Variants in SNTG1 observed in about 807,000 individuals in gnomAD.
SNTG1 encodes syntrophin gamma 1.
SNTG1 carries 39 observed loss-of-function variants against 74.7 expected under a neutral mutation model. The observed-to-expected ratio is 0.52, with a 90% CI of 0.40 to 0.68. The LOEUF (loss-of-function observed/expected upper bound fraction) is 0.68, where lower values mean the gene tolerates loss of function less well. Among genes scored for constraint, SNTG1 ranks in the 30% least tolerant of loss-of-function variants. SNTG1 has a pLI of 0.00. For synonymous variants in SNTG1, 254 were observed against 217.1 expected (o/e 1.17, Z -1.49); for missense variants, 685 against 609.5 (o/e 1.12, Z -1.30).
At chr8:50,225,174 A>G (rs1286552037) in intron 2 of SNTG1, among the ~76,000 whole-genome samples, 1 of 151,904 alleles carries the variant, frequency 6.6e-6, no homozygotes, top group Non-Finnish European at 1.5e-5. Flanking sequence ...GGGTTTCACC[A>G]TGTTAGACAG....
At chr8:50,519,669 C>T (rs925322863) in intron 9 of SNTG1, among the ~76,000 whole-genome samples, 1 of 152,112 alleles carries the variant, frequency 6.6e-6, no homozygotes, top group African/African-American at 2.4e-5. Context: ...AATAGACAAA[C>T]AGAGAGCCAA....
chr8:50,137,326 C>T (rs908483571), intron 1 of SNTG1, among the ~76,000 whole-genome samples: 2 of 152,106 alleles, frequency 1.3e-5, no homozygotes, highest in African/African-American at 4.8e-5. Flanking sequence ...GCTGATGGGA[C>T]GCTCTGAGTC....
chr8:50,015,537 C>G (rs1816230179), intron 1 of SNTG1, among the ~76,000 whole-genome samples: 1 of 152,024 alleles, frequency 6.6e-6, no homozygotes, highest in Non-Finnish European at 1.5e-5. Flanking sequence ...TGTACACATT[C>G]AAGATACTCA....
intron 13 of SNTG1, among the ~76,000 whole-genome samples, chr8:50,642,248 C>T (rs564677672): frequency 1.3e-5 from 2 of 152,160 alleles, no homozygotes; most frequent in South Asian, 4.1e-4. Context: ...AAAGCCTTCC[C>T]TGCTGCCAAT....
intron 8 of SNTG1, among the ~76,000 whole-genome samples, chr8:50,459,189 AGAGTTT>A (rs2093536815): frequency 1.3e-5 from 2 of 152,156 alleles, no homozygotes; most frequent in South Asian, 4.1e-4. Context: ...CCTAAATGTT[AGAGTTT>A]ATTTCCAAAT....
intron 8 of SNTG1, among the ~76,000 whole-genome samples, chr8:50,481,800 T>C (rs1040074024): frequency 2.0e-5 from 3 of 152,226 alleles, no homozygotes; most frequent in Non-Finnish European, 4.4e-5. Flanking sequence ...TACGTCTCTT[T>C]CACTAATCAA....
At chr8:50,222,588 C>G (rs1228157188) in intron 2 of SNTG1, among the ~76,000 whole-genome samples, 2 of 152,254 alleles carry the variant, frequency 1.3e-5, no homozygotes, top group East Asian at 3.9e-4. Context: ...ACATATACCT[C>G]CTTTTTCCTT....
chr8:50,639,891 T>C (rs1410951653), intron 13 of SNTG1, among the ~76,000 whole-genome samples: 3 of 152,076 alleles, frequency 2.0e-5, no homozygotes, highest in Non-Finnish European at 4.4e-5. Flanking sequence ...TTTATTAAAA[T>C]AGGTGACATG....
At chr8:50,708,438 TA>T (rs891353166) in intron 16 of SNTG1, 7 of 156,606 alleles carry the variant, frequency 4.5e-5, no homozygotes, top group Non-Finnish European at 9.8e-5. Flanking sequence ...GAATGTGGTT[TA>T]ATAATATCCA....
At chr8:50,394,695 C>T (rs1020234879) in intron 3 of SNTG1, among the ~76,000 whole-genome samples, 8 of 152,082 alleles carry the variant, frequency 5.3e-5, no homozygotes, top group African/African-American at 7.2e-5. Flanking sequence ...AATTTAGATT[C>T]TCTGTAGAGC....
At chr8:50,108,662 TA>T (rs2080471811) in intron 1 of SNTG1, among the ~76,000 whole-genome samples, 1 of 152,194 alleles carries the variant, frequency 6.6e-6, no homozygotes, top group African/African-American at 2.4e-5. Flanking sequence ...TTCTTGAACC[TA>T]AAATATTTTA....
chr8:50,239,978 C>T (rs969904122), intron 2 of SNTG1, among the ~76,000 whole-genome samples: 1 of 152,128 alleles, frequency 6.6e-6, no homozygotes, highest in Non-Finnish European at 1.5e-5. Flanking sequence ...TCCATCACTT[C>T]TGAAAATTCA....
chr8:50,328,516 A>G (rs2090840668), intron 2 of SNTG1, among the ~76,000 whole-genome samples: 1 of 152,176 alleles, frequency 6.6e-6, no homozygotes, highest in African/African-American at 2.4e-5. Context: ...CTTTCTTCAC[A>G]AGGCAGCAGG....
chr8:50,302,108 C>T (rs1219376981), intron 2 of SNTG1, among the ~76,000 whole-genome samples: 1 of 152,208 alleles, frequency 6.6e-6, no homozygotes, highest in Admixed American at 6.5e-5. Flanking sequence ...TTTAAGCATG[C>T]TTTCCAGGGA....
At chr8:50,608,675 G>C (rs1444143056) in intron 13 of SNTG1, among the ~76,000 whole-genome samples, 2 of 151,698 alleles carry the variant, frequency 1.3e-5, no homozygotes, top group African/African-American at 4.8e-5. Context: ...TCTACCATTT[G>C]ATTAAGGTGT....
intron 4 of SNTG1, among the ~76,000 whole-genome samples, chr8:50,405,519 G>T (rs1247171139): frequency 1.3e-5 from 2 of 151,944 alleles, no homozygotes; most frequent in African/African-American, 4.8e-5. Flanking sequence ...GAGCTTAGTT[G>T]CAGGAATTCT....
At chr8:50,296,725 C>A (rs576559944) in intron 2 of SNTG1, among the ~76,000 whole-genome samples, 7 of 151,982 alleles carry the variant, frequency 4.6e-5, no homozygotes, top group Admixed American at 1.3e-4. Context: ...CACATGTAAA[C>A]CTATGTAACA....
chr8:50,292,297 G>T (rs566513061), intron 2 of SNTG1, among the ~76,000 whole-genome samples: 2 of 151,984 alleles, frequency 1.3e-5, no homozygotes, highest in Non-Finnish European at 2.9e-5. Context: ...ATCCAGGACA[G>T]GTCAGTTTGG....
In SNTG1 at chr8:50,454,796, C is replaced by T. The variant is rs149172252; in HGVS notation, c.363+4067C>T. 1.4e-3 allele frequency among the ~76,000 whole-genome samples: 189 copies of T among 132,604 alleles called. 3 individuals are homozygous for T. The East Asian group carries it at 0.039, about 27-fold the overall frequency. The allele number at this position is 132,604 out of a possible 152,430, so 87.0% of individuals were successfully genotyped here. ...GGCAAAGGTTGCAGTGAACTGAGAT[C>T]GTGCCACTGCACTCCAGCCTGTCAG... On this transcript the variant is annotated intron_variant, in intron 8 of 18. Coordinates refer to ENST00000642720, the MANE Select transcript of SNTG1 (RefSeq NM_018967.5).
Sources: gnomAD v4.1 joint callset for allele counts (sites outside exome capture counted in the v4.1 genomes callset) on GRCh38, gnomAD v4.1.1 for gene constraint, MANE v1.5 for transcripts, NCBI Gene and HGNC (gene_info 2026-07-23, HGNC 2026-07-21) for gene names.